Variants in HTRA3 observed in about 807,000 individuals in gnomAD.
The protein encoded by HTRA3 is serine protease HTRA3.
Under a neutral mutation model 43.2 loss-of-function variants are expected in HTRA3, and 41 were observed. The observed-to-expected ratio is 0.95, with a 90% CI of 0.74 to 1.23. The LOEUF (loss-of-function observed/expected upper bound fraction) is 1.23, where lower values mean the gene tolerates loss of function less well. Among genes scored for constraint, HTRA3 ranks in the 50% most tolerant of loss-of-function variants. HTRA3 has a pLI of 0.00. For synonymous variants in HTRA3, 295 were observed against 287.9 expected (o/e 1.02, Z -0.25); for missense variants, 628 against 647.1 (o/e 0.97, Z 0.32).
Position 8,295,211 on chromosome 4 carries a change from A to G in HTRA3, c.1051+1010A>G, listed in dbSNP as rs1049338175. 2.0e-5 allele frequency among the ~76,000 whole-genome samples: 3 copies of G among 151,704 alleles called. No homozygotes were observed. The highest frequency in any genetic ancestry group is 2.0e-4 in the Admixed American group (3 of 15,226). ...TCCCTGTCCGTCTATTCTTCCATCC[A>G]TCTACCCACTCCTGAGTACTTCCTC... On this transcript the variant is annotated intron_variant, in intron 6 of 8. Transcript: ENST00000307358. This position sits in a 1 kb window ranked among gnomAD's most constrained non-coding sequence, Gnocchi z 6.9.
intron 1 of HTRA3, among the ~76,000 whole-genome samples, chr4:8,277,663 C>A (rs942750945): frequency 2.6e-5 from 4 of 152,216 alleles, no homozygotes; most frequent in Non-Finnish European, 5.9e-5. Context: ...GGAAGCAGAG[C>A]CGAGGTCCAC....
At chr4:8,277,517 G>A (rs183585979) in intron 1 of HTRA3, among the ~76,000 whole-genome samples, 94 of 152,310 alleles carry the variant, frequency 6.2e-4, no homozygotes, top group Non-Finnish European at 1.1e-3. Context: ...GGATCACCAC[G>A]CTTGCAAAGT....
chr4:8,285,737 A>G (rs1277371981), intron 2 of HTRA3, among the ~76,000 whole-genome samples: 4 of 152,188 alleles, frequency 2.6e-5, no homozygotes, highest in East Asian at 1.9e-4. Context: ...GCAGACACCA[A>G]TGCAAACCCA....
intron 1 of HTRA3, among the ~76,000 whole-genome samples, chr4:8,277,222 G>A (rs960328531): frequency 7.9e-5 from 12 of 152,180 alleles, no homozygotes; most frequent in Non-Finnish European, 1.2e-4. Flanking sequence ...TTCACTAGGG[G>A]ACAGGCAAGT....
chr4:8,297,408 A>C lies in HTRA3; in HGVS notation c.1051+3207A>C, dbSNP rs1197570969. On this transcript the variant is annotated intron_variant, in intron 6 of 8. Coordinates refer to ENST00000307358, the MANE Select transcript of HTRA3 (RefSeq NM_053044.5). The surrounding 1 kb of genome is among the most constrained non-coding windows in gnomAD (Gnocchi z 5.8). ...TCAGAGGGGACCACAGTCATTGTTC[A>C]AATGCTGGCTCTGTGTCTTGGACTC... Among the ~76,000 whole-genome samples, 1 of 152,112 alleles carries C rather than the reference A, an allele frequency of 6.6e-6. No individual in the cohort carries two copies. The highest frequency in any genetic ancestry group is 1.5e-5 in the Non-Finnish European group (1 of 68,002).
chr4:8,282,915 G>A (rs2153004812), intron 2 of HTRA3, among the ~76,000 whole-genome samples: 1 of 152,328 alleles, frequency 6.6e-6, no homozygotes, highest in East Asian at 1.9e-4. Flanking sequence ...TGTGTGCAAG[G>A]AGCAGAGGCA....
At chr4:8,298,075 C>A (rs981279018) in intron 6 of HTRA3, among the ~76,000 whole-genome samples, 1 of 152,218 alleles carries the variant, frequency 6.6e-6, no homozygotes, top group African/African-American at 2.4e-5. Context: ...CCGGGTCCAG[C>A]ACCGGGGCAC....
intron 1 of HTRA3, among the ~76,000 whole-genome samples, chr4:8,282,228 G>A (rs1379050963): frequency 6.6e-6 from 1 of 152,154 alleles, no homozygotes; most frequent in African/African-American, 2.4e-5. Context: ...CCATTCTCGG[G>A]GTGAGCGAGC....
At chr4:8,294,294 G>A (rs550998515) in intron 6 of HTRA3, 93 bp downstream of exon 6, 7 of 880,704 alleles carry the variant, frequency 7.9e-6, no homozygotes, top group Admixed American at 2.3e-5. Context: ...AAGGCCCACC[G>A]GAGGTGCTGG....
intron 3 of HTRA3, among the ~76,000 whole-genome samples, chr4:8,287,258 C>A (rs1201558017): frequency 1.3e-5 from 2 of 152,124 alleles, no homozygotes; most frequent in African/African-American, 4.8e-5. Context: ...CTGAGGCCCC[C>A]AGAATCCTCT....
intron 1 of HTRA3, among the ~76,000 whole-genome samples, chr4:8,276,212 G>A (rs1003810450): frequency 2.0e-5 from 3 of 152,252 alleles, no homozygotes; most frequent in Non-Finnish European, 4.4e-5. Flanking sequence ...TGGCTGCTCA[G>A]GGTGGAGTCC....
At position 8,288,310 on chromosome 4, in the gene HTRA3, G is replaced by T. The variant is rs187965542; in HGVS notation, c.708+1527G>T. Among the ~76,000 whole-genome samples the T allele has an allele frequency of 1.2e-3, 187 of 152,312 alleles. 3 individuals are homozygous for T. The highest frequency in any genetic ancestry group is 4.2e-3 in the African/African-American group (176 of 41,560). On this transcript the variant is annotated intron_variant, in intron 3 of 8. Coordinates refer to ENST00000307358, the MANE Select transcript of HTRA3 (RefSeq NM_053044.5). Reference sequence around the variant, plus strand: ...TTTTTTGAAATGGGGTTTTGCCCTTGTTGCCCAGGCTGGAGTGCAATGGCG... The same window carrying T: ...TTTTTTGAAATGGGGTTTTGCCCTTTTTGCCCAGGCTGGAGTGCAATGGCG...
At chr4:8,277,614 G>A (rs1388383795) in intron 1 of HTRA3, among the ~76,000 whole-genome samples, 1 of 152,254 alleles carries the variant, frequency 6.6e-6, no homozygotes, top group African/African-American at 2.4e-5. Flanking sequence ...GGAACCACAT[G>A]TGCAAAGGCA....
chr4:8,291,318 GA>G, intron 3 of HTRA3, 51 bp from the exon 4 acceptor site: 1 of 1,514,490 alleles, frequency 6.6e-7, no homozygotes, highest in Non-Finnish European at 9.2e-7. Flanking sequence ...GGTCCCCGCT[GA>G]AGGTAGACGG....
intron 1 of HTRA3, among the ~76,000 whole-genome samples, chr4:8,278,115 G>A (rs907054534): frequency 1.3e-5 from 2 of 152,166 alleles, no homozygotes; most frequent in East Asian, 1.9e-4. Context: ...GGGCCTCAGT[G>A]TCGCCATCTG....
At position 8,306,233 on chromosome 4, in the gene HTRA3, C is replaced by T; in HGVS notation, c.*97C>T. On this transcript the variant is annotated 3_prime_UTR_variant, in exon 9 of 9. Transcript: ENST00000307358. This position sits in a 1 kb window ranked among gnomAD's most constrained non-coding sequence, Gnocchi z 8.9. ...ACGAAGGACCACCGTCGGTCCTCAG[C>T]AGGGCGGCAGCCTCCTCCTGGCTGT... 2 of 1,308,344 alleles carry T rather than the reference C, an allele frequency of 1.5e-6. No individual in the cohort carries two copies. Among genetic ancestry groups the T allele is most frequent in the Non-Finnish European group, 2.0e-6 (2 of 978,510 alleles). 81.0% of individuals were successfully genotyped at this position (1,308,344 alleles called of 1,614,324 possible).
intron 2 of HTRA3, among the ~76,000 whole-genome samples, chr4:8,285,613 A>T (rs1354202265): frequency 6.6e-6 from 1 of 152,158 alleles, no homozygotes. Flanking sequence ...GAAGGTTCCC[A>T]CCCTGGAGAA....
At chr4:8,278,635 C>T (rs1159126145) in intron 1 of HTRA3, among the ~76,000 whole-genome samples, 2 of 152,102 alleles carry the variant, frequency 1.3e-5, no homozygotes, top group Non-Finnish European at 2.9e-5. Context: ...GGCACGGGGG[C>T]CCCTGCCCCC....
chr4:8,285,400 T>G (rs1354386154), intron 2 of HTRA3, among the ~76,000 whole-genome samples: 3 of 152,178 alleles, frequency 2.0e-5, no homozygotes, highest in African/African-American at 7.2e-5. Context: ...GAAGCTCCTG[T>G]ACTTTGCAGA....
Sources: allele counts gnomAD v4.1 joint callset (sites outside exome capture counted in the v4.1 genomes callset), GRCh38; gene constraint gnomAD v4.1.1; non-coding constraint Gnocchi (gnomAD v3.1); transcripts MANE v1.5; gene names NCBI Gene and HGNC (gene_info 2026-07-23, HGNC 2026-07-21).